Variants in TBK1 observed in about 807,000 individuals in gnomAD.
The protein encoded by TBK1 is TANK binding kinase 1.
In TBK1, 37 loss-of-function variants were observed where a neutral mutation model predicts 99.9. That is an observed-to-expected ratio of 0.37 (90% CI 0.28 to 0.49). The LOEUF (loss-of-function observed/expected upper bound fraction) is 0.49. Ranked by LOEUF, TBK1 falls within the 20% of genes least tolerant of loss-of-function variation. The pLI is 0.98. For synonymous variants in TBK1, 258 were observed against 279.8 expected (o/e 0.92, Z 0.78); for missense variants, 644 against 872.5 (o/e 0.74, Z 3.30).
Position 64,455,362 on chromosome 12 carries a change from A to G in TBK1, c.-31-478A>G, listed in dbSNP as rs925201936. On this transcript the variant is annotated intron_variant, in intron 1 of 20. Transcript: ENST00000331710. ...GTGTATACTAACTTACAGGGAAAAA[A>G]TGTAAACAAAATGAAGGTCATGGGG... Among the ~76,000 whole-genome samples, 3 of 152,184 alleles carry G rather than the reference A, an allele frequency of 2.0e-5. 1 individual carries two copies. Among genetic ancestry groups the G allele is most frequent in the Admixed American group, 2.0e-4 (3 of 15,278 alleles).
At chr12:64,488,403 AAC>A in intron 11 of TBK1, 82 bp from the exon 12 acceptor site, 1 of 668,204 alleles carries the variant, frequency 1.5e-6, no homozygotes, top group Non-Finnish European at 2.4e-6. Flanking sequence ...AATGTTTTTG[AAC>A]TGTAGTACTG....
At chr12:64,481,704 C>G (rs1238827873) in intron 7 of TBK1, 138 bp from the exon 8 acceptor site, 4 of 564,174 alleles carry the variant, frequency 7.1e-6, no homozygotes, top group Non-Finnish European at 1.1e-5. Flanking sequence ...GAAAAGTTGA[C>G]AGATTTTAAA....
intron 13 of TBK1, among the ~76,000 whole-genome samples, chr12:64,494,060 CTT>C (rs755667886): frequency 8.9e-4 from 135 of 152,184 alleles, no homozygotes; most frequent in Non-Finnish European, 1.5e-3. Flanking sequence ...TAAGAAATGA[CTT>C]TTTCCATAAA....
chr12:64,466,158 A>G (rs976150750), intron 4 of TBK1, among the ~76,000 whole-genome samples: 3 of 152,142 alleles, frequency 2.0e-5, no homozygotes, highest in African/African-American at 7.2e-5. Flanking sequence ...TATAGATATG[A>G]TGTCTTCCTA....
At chr12:64,482,169 C>T (rs1376929982) in intron 8 of TBK1, 148 bp downstream of exon 8, 1 of 464,158 alleles carries the variant, frequency 2.2e-6, no homozygotes, top group African/African-American at 2.0e-5. Flanking sequence ...TTAGTAAATT[C>T]CTTTTCACTT....
chr12:64,487,132 A>G (rs1341154327), intron 11 of TBK1, among the ~76,000 whole-genome samples: 1 of 152,184 alleles, frequency 6.6e-6, no homozygotes, highest in African/African-American at 2.4e-5. Flanking sequence ...CCTGTTTTTT[A>G]CTTTAATGAT....
Position 64,481,909 on chromosome 12 carries a change from G to A in TBK1, c.880G>A (p.Gly294Ser). The A allele has an allele frequency of 6.2e-7, 1 of 1,611,174 alleles. No individual in the cohort carries two copies. The highest frequency in any genetic ancestry group is 1.1e-5 in the South Asian group (1 of 90,742). Residue 294 changes from glycine (G) to serine (S), a missense_variant, in exon 8 of 21, where the codon GGT (glycine) becomes AGT (serine). Gly to Ser is a moderately conservative substitution (Grantham distance 56, BLOSUM62 0). Transcript: ENST00000331710. ...ILEADQEKCW[G>S]FDQFFAETSD... ...TGAAGCAGATCAGGAAAAGTGTTGGGGTTTTGACCAGTTTTTTGCAGAAAC... is the reference window on the plus strand; with the variant it reads ...TGAAGCAGATCAGGAAAAGTGTTGGAGTTTTGACCAGTTTTTTGCAGAAAC...
intron 5 of TBK1, among the ~76,000 whole-genome samples, chr12:64,469,814 A>C (rs1464260599): frequency 1.3e-5 from 2 of 149,248 alleles, no homozygotes; most frequent in African/African-American, 5.0e-5. Context: ...CCCCAACCCC[A>C]CTTTCTGTAA....
intron 6 of TBK1, among the ~76,000 whole-genome samples, chr12:64,475,437 G>T (rs1031417744): frequency 3.5e-4 from 53 of 152,050 alleles, no homozygotes; most frequent in African/African-American, 1.1e-3. Context: ...CCTACTTTTG[G>T]AGTCCTCAGT....
chr12:64,458,340 T>TA (rs539194230), intron 2 of TBK1, among the ~76,000 whole-genome samples: 113 of 152,224 alleles, frequency 7.4e-4, no homozygotes, highest in Middle Eastern at 3.4e-3. Flanking sequence ...ACCAAATTCT[T>TA]ACATTTATTA....
chr12:64,475,339 G>A (rs370998255), intron 6 of TBK1, among the ~76,000 whole-genome samples: 153 of 152,146 alleles, frequency 1.0e-3, no homozygotes, highest in Non-Finnish European at 1.2e-3. Flanking sequence ...GTTGTGTAGT[G>A]CTGAGGTTTG....
In TBK1 at chr12:64,464,366, A is replaced by G. The variant is rs759260083; in HGVS notation, c.261A>G (p.Glu87=). 17 of 1,603,652 alleles carry G rather than the reference A, an allele frequency of 1.1e-5. No homozygotes were observed. Among genetic ancestry groups the G allele is most frequent in the Non-Finnish European group, 1.3e-5 (15 of 1,175,894 alleles). The change falls in exon 4 of 21, where the codon GAA becomes GAG. Residue 87 remains glutamate, a synonymous_variant. Coordinates refer to ENST00000331710, the MANE Select transcript of TBK1 (RefSeq NM_013254.4). ...CAAGACATAAAGTACTTATTATGGA[A>G]TTTTGTCCATGTGGGAGTTTATACA... ...TTTRHKVLIM[E]FCPCGSLYTV... is the part of the protein sequence containing the mutation.
At chr12:64,455,224 G>A (rs994160631) in intron 1 of TBK1, among the ~76,000 whole-genome samples, 1 of 151,948 alleles carries the variant, frequency 6.6e-6, no homozygotes, top group South Asian at 2.1e-4. Context: ...GGCTTCAGGT[G>A]ATCTGCCTGC....
chr12:64,475,856 T>G (rs2040706366), intron 6 of TBK1, among the ~76,000 whole-genome samples: 1 of 152,096 alleles, frequency 6.6e-6, no homozygotes. Context: ...GTAGGATGAT[T>G]TATTTTTCTT....
chr12:64,462,353 C>G (rs2040556521), intron 3 of TBK1, among the ~76,000 whole-genome samples: 1 of 152,050 alleles, frequency 6.6e-6, no homozygotes. Context: ...CTTGGAACAC[C>G]TTATATATGA....
rs556511010 is a variant in TBK1 at position 64,486,233 on chromosome 12, A to C, written c.1340+216A>C. On this transcript the variant is annotated intron_variant, in intron 11 of 20. Coordinates refer to ENST00000331710, the MANE Select transcript of TBK1 (RefSeq NM_013254.4). ...AAATAGTATCTGAATTTTAAAACTTACACCACGCTATAGGATGTGACGGCA... is the reference window on the plus strand; with the variant it reads ...AAATAGTATCTGAATTTTAAAACTTCCACCACGCTATAGGATGTGACGGCA... Among the ~76,000 whole-genome samples the C allele has an allele frequency of 2.0e-5, 3 of 152,322 alleles. No homozygotes were observed. The South Asian group carries it at 6.2e-4, about 32-fold the overall frequency.
intron 2 of TBK1, among the ~76,000 whole-genome samples, chr12:64,457,564 G>A (rs778821652): frequency 2.0e-5 from 3 of 152,226 alleles, no homozygotes; most frequent in Admixed American, 6.5e-5. Flanking sequence ...GCTAATGTGC[G>A]GTTAGCTATA....
chr12:64,486,408 A>C (rs1235042519), intron 11 of TBK1, among the ~76,000 whole-genome samples: 1 of 151,982 alleles, frequency 6.6e-6, no homozygotes, highest in South Asian at 2.1e-4. Context: ...TCCCAAATGA[A>C]GTACACAGTC....
chr12:64,477,339 T>G (rs1289181778), intron 6 of TBK1, among the ~76,000 whole-genome samples: 1 of 152,226 alleles, frequency 6.6e-6, no homozygotes, highest in East Asian at 1.9e-4. Flanking sequence ...TATGATTTCT[T>G]TCAGCGGTGT....
Sources: allele counts gnomAD v4.1 joint callset (sites outside exome capture counted in the v4.1 genomes callset), GRCh38; gene constraint gnomAD v4.1.1; transcripts MANE v1.5; gene names NCBI Gene and HGNC (gene_info 2026-07-23, HGNC 2026-07-21).